SATB2: variants seen among roughly 807,000 people sequenced by gnomAD.
The protein encoded by SATB2 is SATB homeobox 2.
Under a neutral mutation model 73.4 loss-of-function variants are expected in SATB2, and 1 was observed. The observed-to-expected ratio is 0.01, with a 90% CI of 0.00 to 0.06. The LOEUF (loss-of-function observed/expected upper bound fraction) is 0.06. SATB2 is among the 10% of genes least tolerant of loss of function. The probability of loss-of-function intolerance (pLI) is 1.00; values close to 1 mark genes in which losing one functional copy is unlikely to be tolerated. For synonymous variants in SATB2, 397 were observed against 367.0 expected (o/e 1.08, Z -0.93); for missense variants, 459 against 945.8 (o/e 0.49, Z 6.75).
rs543952108 is a variant in SATB2 at position 199,402,179 on chromosome 2, G to C, written c.347-20359C>G. On this transcript the variant is annotated intron_variant, in intron 3 of 10. Transcript: ENST00000417098. ...AGGCGGGTGGATCATGAGGTCAAGA[G>C]ATTGAGACCATCCTGGCCAACATGG... Among the ~76,000 whole-genome samples, 9 of 152,232 alleles carry C rather than the reference G, an allele frequency of 5.9e-5. No homozygotes were observed. In the East Asian group the frequency reaches 1.5e-3, roughly 26 times the overall value.
rs201110438 is a variant in SATB2 at position 199,432,081 on chromosome 2, G to T, written c.346+1257C>A. On this transcript the variant is annotated intron_variant, in intron 3 of 10. Transcript: ENST00000417098. ...GAAATGAATCATCCTTTATCAGGCT[G>T]CTTTGAAAGCACTGGACTCTACGAT... Among the ~76,000 whole-genome samples the T allele has an allele frequency of 2.6e-5, 4 of 152,126 alleles. 1 individual carries two copies. The East Asian group carries it at 7.7e-4, about 29-fold the overall frequency.
chr2:199,458,397 G>T (rs753578617), upstream of SATB2: 24 of 351,042 alleles, frequency 6.8e-5, no homozygotes, highest in Middle Eastern at 2.9e-3. Flanking sequence ...CGGTCGGAGC[G>T]GGGTGACGAG....
intron 1 of SATB2, among the ~76,000 whole-genome samples, chr2:199,456,598 C>T (rs765875681): frequency 8.5e-5 from 13 of 152,180 alleles, no homozygotes; most frequent in East Asian, 1.9e-4. Context: ...GCGAAAGAAC[C>T]CCTTGAATAC....
intron 9 of SATB2, among the ~76,000 whole-genome samples, chr2:199,319,000 C>CTT (rs373895474): frequency 3.5e-5 from 5 of 141,310 alleles, no homozygotes; most frequent in Non-Finnish European, 3.1e-5. Flanking sequence ...GAACTTGAAA[C>CTT]TTTTTTTTTT....
chr2:199,458,034 G>C, upstream of SATB2: 1 of 155,544 alleles, frequency 6.4e-6, no homozygotes, highest in South Asian at 1.9e-4. Flanking sequence ...GTTGTCCTCG[G>C]TTTCCGATTT....
At chr2:199,394,216 T>C (rs1353908962) in intron 3 of SATB2, among the ~76,000 whole-genome samples, 2 of 152,236 alleles carry the variant, frequency 1.3e-5, no homozygotes, top group African/African-American at 4.8e-5. Context: ...TATTTGTATA[T>C]GACCAATGAA....
intron 3 of SATB2, among the ~76,000 whole-genome samples, chr2:199,415,821 C>A (rs1690961214): frequency 6.6e-6 from 1 of 152,184 alleles, no homozygotes; most frequent in African/African-American, 2.4e-5. Context: ...CCTTCTCTTT[C>A]CTGGCATGAT....
chr2:199,414,750 TG>T (rs1365340679), intron 3 of SATB2, among the ~76,000 whole-genome samples: 1 of 152,140 alleles, frequency 6.6e-6, no homozygotes, highest in African/African-American at 2.4e-5. Context: ...AAGCACCATG[TG>T]GCATCTTCTT....
At chr2:199,427,624 G>C (rs937048706) in intron 3 of SATB2, among the ~76,000 whole-genome samples, 1 of 151,968 alleles carries the variant, frequency 6.6e-6, no homozygotes, top group African/African-American at 2.4e-5. Context: ...GTGAGAAGTG[G>C]GTAGGGAAAG....
intron 6 of SATB2, among the ~76,000 whole-genome samples, chr2:199,355,205 A>G (rs1332694986): frequency 2.7e-5 from 4 of 149,938 alleles, no homozygotes; most frequent in South Asian, 2.1e-4. Flanking sequence ...CTATATATGT[A>G]TATATATATA....
chr2:199,315,628 A>T (rs919704255), intron 9 of SATB2, among the ~76,000 whole-genome samples: 1 of 152,042 alleles, frequency 6.6e-6, no homozygotes, highest in Non-Finnish European at 1.5e-5. Flanking sequence ...TTTTTTCCTT[A>T]AAAAACATTG....
In SATB2 at chr2:199,272,322, C is replaced by T; in HGVS notation, c.2091G>A (p.Glu697=). 6.2e-7 allele frequency: 1 copy of T among 1,614,212 alleles called. No individual in the cohort carries two copies. Among genetic ancestry groups the T allele is most frequent in the South Asian group, 1.1e-5 (1 of 91,088 alleles). Reference sequence around the variant, plus strand: ...CTTCCTCGCTGTCGTTCTCCTCTGACTCGGTCAGCAGCTCCTCGTCCTTAT... The same window carrying T: ...CTTCCTCGCTGTCGTTCTCCTCTGATTCGGTCAGCAGCTCCTCGTCCTTAT... The part of the protein sequence containing the change: ...AEYKDEELLT[E]SEENDSEEGS... The change falls in exon 11 of 11, where the codon GAG becomes GAA. Residue 697 remains glutamate, a synonymous_variant. Coordinates refer to ENST00000417098, the MANE Select transcript of SATB2 (RefSeq NM_001172509.2). The surrounding 1 kb of genome is among the most constrained non-coding windows in gnomAD (Gnocchi z 6.7).
chr2:199,403,341 T>C (rs1335945206), intron 3 of SATB2, among the ~76,000 whole-genome samples: 1 of 137,458 alleles, frequency 7.3e-6, no homozygotes, highest in Non-Finnish European at 1.5e-5. Context: ...TATATTGTTG[T>C]ATAATATTGT....
chr2:199,406,508 A>G (rs1690632850), intron 3 of SATB2, among the ~76,000 whole-genome samples: 1 of 152,186 alleles, frequency 6.6e-6, no homozygotes, highest in East Asian at 1.9e-4. Context: ...CCACTGGAAA[A>G]ACAGGTTTCA....
At chr2:199,368,987 GT>G in intron 5 of SATB2, 1 of 303,418 alleles carries the variant, frequency 3.3e-6, no homozygotes. Context: ...AAGAACAGTT[GT>G]GATTTAGGAA....
chr2:199,424,743 A>C (rs1281872005), intron 3 of SATB2, among the ~76,000 whole-genome samples: 1 of 152,230 alleles, frequency 6.6e-6, no homozygotes, highest in African/African-American at 2.4e-5. Flanking sequence ...TTTCTTAAAA[A>C]GCATTTTAAT....
upstream of SATB2, among the ~76,000 whole-genome samples, chr2:199,462,095 CAGAG>C (rs1445930697): frequency 6.6e-6 from 1 of 152,190 alleles, no homozygotes; most frequent in Non-Finnish European, 1.5e-5. This position sits in a 1 kb window ranked among gnomAD's most constrained non-coding sequence, Gnocchi z 5.9. Flanking sequence ...GTCACCCAGG[CAGAG>C]AGACCCTGCC....
chr2:199,428,294 T>C (rs994607414), intron 3 of SATB2, among the ~76,000 whole-genome samples: 13 of 152,330 alleles, frequency 8.5e-5, no homozygotes, highest in African/African-American at 2.6e-4. Flanking sequence ...TTTAATGAAG[T>C]CTGTCTCTGT....
chr2:199,313,015 C>T (rs943497621), intron 9 of SATB2, among the ~76,000 whole-genome samples: 2 of 152,080 alleles, frequency 1.3e-5, no homozygotes, highest in East Asian at 1.9e-4. Flanking sequence ...TTGCCGGCTA[C>T]GATCCTGTCC....
Sources: gnomAD v4.1 joint callset for allele counts (sites outside exome capture counted in the v4.1 genomes callset) on GRCh38, gnomAD v4.1.1 for gene constraint, Gnocchi (gnomAD v3.1) non-coding constraint, MANE v1.5 for transcripts, NCBI Gene and HGNC (gene_info 2026-07-23, HGNC 2026-07-21) for gene names.